Variants in FBXL2 observed in about 807,000 individuals in gnomAD.
The protein encoded by FBXL2 is F-box/LRR-repeat protein 2.
A neutral mutation model predicts 69.2 loss-of-function variants in FBXL2; 38 were observed. The ratio of observed to expected loss-of-function variants is 0.55; its 90% CI spans 0.42 to 0.72. The LOEUF is 0.72. Among genes scored for constraint, FBXL2 ranks in the 30% least tolerant of loss-of-function variants. The pLI is 0.00. For missense variants in FBXL2, 354 were observed against 520.3 expected (o/e 0.68, Z 3.11); for synonymous variants, 192 against 201.3 (o/e 0.95, Z 0.39).
At chr3:33,411,431 C>T in the FBXL2 span, 1 of 618,876 alleles carries the variant, frequency 1.6e-6, no homozygotes, top group Non-Finnish European at 2.8e-6. Context: ...GGTGAACTTA[C>T]TAGATTAAAC....
At chr3:33,300,075 C>G (rs1479509848) in intron 2 of FBXL2, among the ~76,000 whole-genome samples, 1 of 151,966 alleles carries the variant, frequency 6.6e-6, no homozygotes, top group Admixed American at 6.6e-5. Context: ...GGTATTCTTA[C>G]CCTGGGGAAT....
chr3:33,386,915 A>G lies in FBXL2; in HGVS notation c.*1307A>G, dbSNP rs1184675061. Reference sequence around the variant, plus strand: ...AGGGCCAGAGCTCATGAGAAACTTAAAAGTGAAACGGCAAAAGCAAGATGT... The same window carrying G: ...AGGGCCAGAGCTCATGAGAAACTTAGAAGTGAAACGGCAAAAGCAAGATGT... On this transcript the variant is annotated 3_prime_UTR_variant, in exon 15 of 15. Coordinates refer to ENST00000484457, the MANE Select transcript of FBXL2 (RefSeq NM_012157.5). 2 of 152,222 alleles carry G rather than the reference A, an allele frequency of 1.3e-5. No homozygotes were observed. Among genetic ancestry groups the G allele is most frequent in the African/African-American group, 4.8e-5 (2 of 41,448 alleles). 9.4% of individuals were successfully genotyped at this position (152,222 alleles called of 1,614,324 possible).
downstream of FBXL2, among the ~76,000 whole-genome samples, chr3:33,403,913 A>G: frequency 6.6e-6 from 1 of 152,152 alleles, no homozygotes; most frequent in East Asian, 1.9e-4. Context: ...CTCATTTTAC[A>G]CAAGAAAGGC....
chr3:33,292,865 T>G (rs545608997), intron 1 of FBXL2, among the ~76,000 whole-genome samples: 1 of 152,100 alleles, frequency 6.6e-6, no homozygotes, highest in Non-Finnish European at 1.5e-5. Flanking sequence ...CAAAATAGAC[T>G]AAGTTATAAT....
chr3:33,280,971 A>G (rs1315276012), intron 1 of FBXL2, among the ~76,000 whole-genome samples: 3 of 152,148 alleles, frequency 2.0e-5, no homozygotes, highest in Admixed American at 2.0e-4. Context: ...GACTTGTCAC[A>G]GGTATTGGGA....
chr3:33,373,571 C>G lies in FBXL2; in HGVS notation c.456-7C>G. ...TGCACATAAGTTTTTGTTTCTTGTT[C>G]TCTCAGTGAGGGCTGCCGAAACCTG... is the stretch of plus-strand genomic sequence containing the variant. On this transcript the variant is annotated splice_polypyrimidine_tract_variant and splice_region_variant and intron_variant, in intron 7 of 14. Coordinates refer to ENST00000484457, the MANE Select transcript of FBXL2 (RefSeq NM_012157.5). 6.2e-7 allele frequency: 1 copy of G among 1,614,154 alleles called. No homozygotes were observed. Among genetic ancestry groups the G allele is most frequent in the Non-Finnish European group, 8.5e-7 (1 of 1,180,038 alleles).
At chr3:33,325,685 T>C (rs934901389) in intron 2 of FBXL2, among the ~76,000 whole-genome samples, 1 of 152,226 alleles carries the variant, frequency 6.6e-6, no homozygotes. Context: ...CATTAAATCA[T>C]TGGTCTTTCC....
At chr3:33,359,104 A>C in intron 3 of FBXL2, 83 bp downstream of exon 3, 1 of 1,030,988 alleles carries the variant, frequency 9.7e-7, no homozygotes. Context: ...GAAAATTAAA[A>C]TTTTATTATC....
chr3:33,413,177 T>C, the FBXL2 span, among the ~76,000 whole-genome samples: 2 of 152,262 alleles, frequency 1.3e-5, no homozygotes, highest in South Asian at 2.1e-4. Context: ...ACAGGAGTTA[T>C]TAAAAATGAA....
the FBXL2 span, chr3:33,408,679 A>ACTT: frequency 4.4e-6 from 7 of 1,605,016 alleles, no homozygotes; most frequent in Non-Finnish European, 5.9e-6. Context: ...AGAGAAGCAG[A>ACTT]AGTCCCTTAC....
At chr3:33,278,377 A>G (rs1332730124) in intron 1 of FBXL2, 1 of 152,250 alleles carries the variant, frequency 6.6e-6, no homozygotes, top group Non-Finnish European at 1.5e-5. Flanking sequence ...CACCCTTGGT[A>G]TAGAATACTT....
intron 2 of FBXL2, among the ~76,000 whole-genome samples, chr3:33,352,805 G>A (rs2040914953): frequency 6.6e-6 from 1 of 152,164 alleles, no homozygotes; most frequent in Non-Finnish European, 1.5e-5. Flanking sequence ...CTGAGGCAGA[G>A]AATTGCTTGA....
intron 1 of FBXL2, among the ~76,000 whole-genome samples, chr3:33,285,908 C>T (rs1575590973): frequency 6.6e-6 from 1 of 152,172 alleles, no homozygotes; most frequent in East Asian, 1.9e-4. Context: ...AAGGTCTTCT[C>T]TACACTATTT....
At chr3:33,400,587 T>C (rs1350183641) in intron 12 of FBXL2, among the ~76,000 whole-genome samples, 3 of 152,190 alleles carry the variant, frequency 2.0e-5, no homozygotes, top group South Asian at 2.1e-4. Flanking sequence ...GAAAGACTTA[T>C]ATTCTCACTT....
At chr3:33,369,389 T>C (rs2154046355) in intron 5 of FBXL2, among the ~76,000 whole-genome samples, 1 of 152,152 alleles carries the variant, frequency 6.6e-6, no homozygotes, top group East Asian at 1.9e-4. Flanking sequence ...TTTATATTCT[T>C]TTTTAGCTTC....
intron 2 of FBXL2, among the ~76,000 whole-genome samples, chr3:33,326,391 T>C (rs1190245187): frequency 1.3e-5 from 2 of 151,600 alleles, no homozygotes; most frequent in African/African-American, 4.9e-5. Context: ...TAGTCCCAGC[T>C]ACTGGGGAGG....
intron 1 of FBXL2, among the ~76,000 whole-genome samples, chr3:33,291,410 A>G (rs2035210813): frequency 6.6e-6 from 1 of 152,230 alleles, no homozygotes; most frequent in Non-Finnish European, 1.5e-5. Context: ...TAATAAAGGA[A>G]GTTCAGATCT....
the FBXL2 span, chr3:33,408,824 A>G: frequency 6.3e-7 from 1 of 1,583,506 alleles, no homozygotes; most frequent in Non-Finnish European, 8.7e-7. Flanking sequence ...GATTGGGATC[A>G]ATGTCTTTTC....
chr3:33,298,591 G>A (rs2035957987), intron 2 of FBXL2, among the ~76,000 whole-genome samples: 1 of 151,410 alleles, frequency 6.6e-6, no homozygotes, highest in Non-Finnish European at 1.5e-5. Context: ...TAAGAATTGG[G>A]AGGCTGAGGC....
Sources: allele counts gnomAD v4.1 joint callset (sites outside exome capture counted in the v4.1 genomes callset), GRCh38; gene constraint gnomAD v4.1.1; transcripts MANE v1.5; gene names NCBI Gene and HGNC (gene_info 2026-07-23, HGNC 2026-07-21).